TRPV4: variants seen among roughly 807,000 people sequenced by gnomAD.
TRPV4 encodes OSM9-like transient receptor potential channel 4.
Under a neutral mutation model 84.1 loss-of-function variants are expected in TRPV4, and 58 were observed. The observed-to-expected ratio is 0.69, with a 90% CI of 0.56 to 0.86. TRPV4 has a LOEUF of 0.86. TRPV4 is among the 40% of genes least tolerant of loss of function. TRPV4 has a pLI of 0.00. For missense variants in TRPV4, 879 were observed against 1,181.1 expected, an observed-to-expected ratio of 0.74 and a Z score of 3.75; for synonymous variants, 489 against 500.9, an observed-to-expected ratio of 0.98 and a Z score of 0.32.
intron 4 of TRPV4, among the ~76,000 whole-genome samples, chr12:109,802,537 A>G (rs1890856885): frequency 6.6e-6 from 1 of 151,840 alleles, no homozygotes; most frequent in Non-Finnish European, 1.5e-5. Flanking sequence ...CCTGACCTCA[A>G]GTGATCTGCC....
chr12:109,786,631 C>G lies in TRPV4; in HGVS notation c.2336+79G>C. 1.3e-6 allele frequency: 2 copies of G among 1,578,360 alleles called. No homozygotes were observed. Among genetic ancestry groups the G allele is most frequent in the Non-Finnish European group, 1.7e-6 (2 of 1,159,752 alleles). Reference sequence around the variant, plus strand: ...GGCTCCAGAAATTGCAATGGGTAGACGACGCTGGAGCAGCAGGGGCCCCGA... The same window carrying G: ...GGCTCCAGAAATTGCAATGGGTAGAGGACGCTGGAGCAGCAGGGGCCCCGA... On this transcript the variant is annotated intron_variant, in intron 14 of 15. Coordinates refer to ENST00000261740, the MANE Select transcript of TRPV4 (RefSeq NM_021625.5). The surrounding 1 kb of genome is among the most constrained non-coding windows in gnomAD (Gnocchi z 4.5).
chr12:109,802,891 C>G, intron 4 of TRPV4, 100 bp downstream of exon 4: 1 of 1,282,398 alleles, frequency 7.8e-7, no homozygotes, highest in Non-Finnish European at 1.1e-6. Context: ...TGGGTACATG[C>G]TGGCACTTAG....
chr12:109,809,795 A>C (rs2136624220), intron 2 of TRPV4, among the ~76,000 whole-genome samples: 1 of 152,394 alleles, frequency 6.6e-6, no homozygotes, highest in East Asian at 1.9e-4. Context: ...AAGAAACAGC[A>C]GACTAAAAGA....
intron 2 of TRPV4, among the ~76,000 whole-genome samples, chr12:109,811,354 G>A (rs1891502158): frequency 6.6e-6 from 1 of 152,192 alleles, no homozygotes; most frequent in Non-Finnish European, 1.5e-5. Context: ...GGCAGACAGT[G>A]GGCACCCAAG....
At chr12:109,800,271 G>A (rs1444074153) in intron 5 of TRPV4, among the ~76,000 whole-genome samples, 5 of 151,976 alleles carry the variant, frequency 3.3e-5, no homozygotes, top group African/African-American at 1.2e-4. Flanking sequence ...AAAGAGACAG[G>A]GTATTGCTAT....
At position 109,792,408 on chromosome 12, in the gene TRPV4, G is replaced by T. The variant is rs545966662; in HGVS notation, c.1846C>A (p.Arg616=). ...IQKILFKDLF[R]FLLVYLLFMI... is the part of the protein sequence containing the mutation. Reference sequence around the variant, plus strand: ...AAGAGCAAGTAGACGAGCAGGAATCGGAAAAGGTCCTTGAAGAGAATCTAA... The same window carrying T: ...AAGAGCAAGTAGACGAGCAGGAATCTGAAAAGGTCCTTGAAGAGAATCTAA... The change falls in exon 12 of 16, where the codon CGA becomes AGA. Residue 616 remains arginine, a synonymous_variant. Transcript: ENST00000261740. 6.2e-7 allele frequency: 1 copy of T among 1,613,816 alleles called. No individual in the cohort carries two copies. The highest frequency in any genetic ancestry group is 8.5e-7 in the Non-Finnish European group (1 of 1,180,020).
At position 109,814,476 on chromosome 12, in the gene TRPV4, C is replaced by G; in HGVS notation, c.321G>C (p.Leu107=). 1 of 1,614,172 alleles carries G rather than the reference C, an allele frequency of 6.2e-7. No homozygotes were observed. The highest frequency in any genetic ancestry group is 1.3e-5 in the African/African-American group (1 of 75,052). Residue 107 remains leucine, a synonymous_variant, in exon 2 of 16, where the codon CTG becomes CTC. Transcript: ENST00000261740. The surrounding 1 kb of genome is among the most constrained non-coding windows in gnomAD (Gnocchi z 5.4). ...PGPKKAPMDS[L]FDYGTYRHHS... is the part of the protein sequence containing the mutation. ...GGTGACGATAGGTGCCGTAGTCAAA[C>G]AGTGAGTCCATGGGTGCTTTCTTGG... is the stretch of plus-strand genomic sequence containing the variant.
chr12:109,783,783 A>C lies in TRPV4; in HGVS notation c.2459-5T>G. 1 of 1,611,110 alleles carries C rather than the reference A, an allele frequency of 6.2e-7. No individual in the cohort carries two copies. Among genetic ancestry groups the C allele is most frequent in the South Asian group, 1.1e-5 (1 of 91,048 alleles). ...GTACCACCGAGGACCAGCGATCTGC[A>C]CCGAGAGCACATCAGAGGGAGGGGT... On this transcript the variant is annotated splice_polypyrimidine_tract_variant and splice_region_variant and intron_variant, in intron 15 of 15. Transcript: ENST00000261740. This position sits in a 1 kb window ranked among gnomAD's most constrained non-coding sequence, Gnocchi z 4.6.
At position 109,794,450 on chromosome 12, in the gene TRPV4, T is replaced by G. The variant is rs1176190268; in HGVS notation, c.1370A>C (p.Glu457Ala). The G allele has an allele frequency of 6.2e-7, 1 of 1,613,830 alleles. No homozygotes were observed. The highest frequency in any genetic ancestry group is 8.5e-7 in the Non-Finnish European group (1 of 1,179,992). The change falls in exon 8 of 16, where the codon GAA becomes GCA. Residue 457 changes from glutamate to alanine, a missense_variant. Glu to Ala is a moderately radical substitution (Grantham distance 107). Coordinates refer to ENST00000261740, the MANE Select transcript of TRPV4 (RefSeq NM_021625.5). ...HEMLAVEPIN[E>A]LLRDKWRKFG... ...CTTGCGCCACTTGTCCCGCAGCAGT[T>G]CATTGATGGGCTCCACAGCCAGCAT...
intron 6 of TRPV4, among the ~76,000 whole-genome samples, chr12:109,797,799 C>T (rs1046810867): frequency 4.6e-5 from 7 of 152,192 alleles, no homozygotes; most frequent in African/African-American, 1.4e-4. Flanking sequence ...GCATTACAGA[C>T]ATGTAAGTGA....
intron 4 of TRPV4, among the ~76,000 whole-genome samples, chr12:109,801,788 C>T (rs977119503): frequency 6.6e-6 from 1 of 152,078 alleles, no homozygotes; most frequent in Non-Finnish European, 1.5e-5. Context: ...CATGATCACA[C>T]CACTGCACTC....
At chr12:109,824,161 C>G (rs987728571) in intron 1 of TRPV4, among the ~76,000 whole-genome samples, 1 of 151,824 alleles carries the variant, frequency 6.6e-6, no homozygotes, top group Non-Finnish European at 1.5e-5. Context: ...GACGGGGTTT[C>G]ACCATGTTGG....
chr12:109,800,788 C>A (rs1890733248), intron 4 of TRPV4, 30 bp from the exon 5 acceptor site: 2 of 1,562,562 alleles, frequency 1.3e-6, no homozygotes, highest in Admixed American at 3.5e-5. Context: ...ATCCAGGGTC[C>A]TGGCGGAGCA....
intron 1 of TRPV4, among the ~76,000 whole-genome samples, chr12:109,826,403 C>T (rs936319042): frequency 6.6e-6 from 1 of 152,142 alleles, no homozygotes; most frequent in African/African-American, 2.4e-5. Context: ...TAAAGTCAGT[C>T]CCGGGGGAAA....
In TRPV4 at chr12:109,814,614, G is replaced by A. The variant is rs773744592; in HGVS notation, c.183C>T (p.Gly61=). The change falls in exon 2 of 16, where the codon GGC becomes GGT. Residue 61 remains glycine (G), a synonymous_variant. Transcript: ENST00000261740. This position sits in a 1 kb window ranked among gnomAD's most constrained non-coding sequence, Gnocchi z 5.4. ...PADASRPAGP[G]DGRPNLRMKF... ...TCATGCGCAGATTTGGTCGCCCATC[G>A]CCTGGGCCAGCAGGGCGACTGGCAT... The A allele has an allele frequency of 1.5e-5, 25 of 1,613,838 alleles. No homozygotes were observed. Among genetic ancestry groups the A allele is most frequent in the Admixed American group, 5.0e-5 (3 of 60,004 alleles).
Position 109,793,923 on chromosome 12 carries a change from C to T in TRPV4, c.1584+7G>A, listed in dbSNP as rs1182121596. On this transcript the variant is annotated splice_region_variant and intron_variant, in intron 9 of 15. Transcript: ENST00000261740. This position sits in a 1 kb window ranked among gnomAD's most constrained non-coding sequence, Gnocchi z 4.0. ...CAGGGTGGGGGGCACGGGGGCCAGGCACTTACGTTGGTGAAGAAGAACAGG... is the reference window on the plus strand; with the variant it reads ...CAGGGTGGGGGGCACGGGGGCCAGGTACTTACGTTGGTGAAGAAGAACAGG... 1.2e-6 allele frequency: 2 copies of T among 1,604,114 alleles called. No individual in the cohort carries two copies. The highest frequency in any genetic ancestry group is 1.7e-5 in the Admixed American group (1 of 58,608).
rs2136607717 is a variant in TRPV4, at chr12:109,808,344, G to A, written c.511C>T (p.Pro171Ser). ...GSTADLDGLLPFLLTHKKRLT... is the reference protein window; with the variant it reads ...GSTADLDGLLSFLLTHKKRLT... ...CGTTTCTTGTGGGTCAGCAAGAATGGGAGCAGCCCGTCCAGGTCAGCAGTG... is the reference window on the plus strand; with the variant it reads ...CGTTTCTTGTGGGTCAGCAAGAATGAGAGCAGCCCGTCCAGGTCAGCAGTG... The change falls in exon 3 of 16, where the codon CCA (proline) becomes TCA (serine). Residue 171 changes from proline (P) to serine (S), a missense_variant. Physicochemically the swap from Pro to Ser is moderately conservative, Grantham distance 74. This residue lies in a region of TRPV4 where 521 missense variants were observed against 686.6 expected (regional missense o/e 0.76). Transcript: ENST00000261740. 1 of 1,614,222 alleles carries A rather than the reference G, an allele frequency of 6.2e-7. No homozygotes were observed. Among genetic ancestry groups the A allele is most frequent in the Non-Finnish European group, 8.5e-7 (1 of 1,180,034 alleles).
At position 109,788,685 on chromosome 12, in the gene TRPV4, G is replaced by A; in HGVS notation, c.1923C>T (p.Asn641=). 1 of 1,614,186 alleles carries A rather than the reference G, an allele frequency of 6.2e-7. No individual in the cohort carries two copies. Among genetic ancestry groups the A allele is most frequent in the Non-Finnish European group, 8.5e-7 (1 of 1,180,048 alleles). ...TCTGGTCCTCATTGCACACCTTCAT[G>A]TTGGCACACGGGTTCAGGAGGGAGA... The part of the protein sequence containing the change: ...ALVSLLNPCA[N]MKVCNEDQTN... The change falls in exon 13 of 16, where the codon AAC becomes AAT. Residue 641 remains asparagine, a synonymous_variant. Transcript: ENST00000261740.
chr12:109,821,681 C>T (rs1824108619), intron 1 of TRPV4, among the ~76,000 whole-genome samples: 1 of 152,062 alleles, frequency 6.6e-6, no homozygotes, highest in South Asian at 2.1e-4. Context: ...CAGGCATGCA[C>T]CACAACACCC....
Sources: allele counts gnomAD v4.1 joint callset (sites outside exome capture counted in the v4.1 genomes callset), GRCh38; gene constraint gnomAD v4.1.1; regional missense constraint gnomAD v4.1.1; non-coding constraint Gnocchi (gnomAD v3.1); transcripts MANE v1.5; gene names NCBI Gene and HGNC (gene_info 2026-07-23, HGNC 2026-07-21).